OC90: variants seen among roughly 807,000 people sequenced by gnomAD.
OC90 encodes the protein otoconin-90.
Under a neutral mutation model 47.3 loss-of-function variants are expected in OC90, and 46 were observed. The ratio of observed to expected loss-of-function variants is 0.97; its 90% CI spans 0.77 to 1.24. OC90 has a LOEUF of 1.24. Among genes scored for constraint, OC90 ranks in the 50% most tolerant of loss-of-function variants. The pLI, the probability that OC90 is intolerant of heterozygous loss-of-function variation, is 0.00. For synonymous variants in OC90, 271 were observed against 219.5 expected (o/e 1.23, Z -2.07); for missense variants, 688 against 583.9 (o/e 1.18, Z -1.84).
intron 1 of OC90, among the ~76,000 whole-genome samples, chr8:132,056,702 G>C (rs1469825748): frequency 6.6e-6 from 1 of 152,188 alleles, no homozygotes; most frequent in Non-Finnish European, 1.5e-5. Context: ...GGAGACAAGA[G>C]AGGTCTCCAA....
chr8:132,038,119 G>A (rs1822996100), intron 8 of OC90, among the ~76,000 whole-genome samples: 1 of 152,166 alleles, frequency 6.6e-6, no homozygotes. Context: ...AAGGTGTTGG[G>A]ACTGAGAGAT....
intron 2 of OC90, among the ~76,000 whole-genome samples, chr8:132,054,399 A>T (rs1013373953): frequency 6.6e-6 from 1 of 152,314 alleles, no homozygotes; most frequent in Middle Eastern, 3.4e-3. Flanking sequence ...CCTCTACTGC[A>T]ATCTGCACAC....
At chr8:132,025,094 GT>G (rs1284420870) in intron 13 of OC90, among the ~76,000 whole-genome samples, 1 of 152,174 alleles carries the variant, frequency 6.6e-6, no homozygotes, top group African/African-American at 2.4e-5. Context: ...CCCACTTCGT[GT>G]TTTTTTCTAT....
intron 1 of OC90, among the ~76,000 whole-genome samples, chr8:132,056,428 G>GGCT (rs1823280279): frequency 6.6e-6 from 1 of 152,176 alleles, no homozygotes; most frequent in African/African-American, 2.4e-5. Flanking sequence ...AAGCTCTGGT[G>GGCT]GCTGCAAAAT....
In OC90 at chr8:132,024,561, G is replaced by A. The variant is rs1822726146; in HGVS notation, c.1354C>T (p.Gln452Ter). Reference sequence around the variant, plus strand: ...CTCTTGGCTCTGCCGAGGTCCTCCTGTGGAGGGTCCTCCTCGCTGTCCTCC... The same window carrying A: ...CTCTTGGCTCTGCCGAGGTCCTCCTATGGAGGGTCCTCCTCGCTGTCCTCC... ...SEEDSEEDPP[Q>*]EDLGRAKRFL... Residue 452 changes from glutamine (Q) to a stop codon, truncating the protein, a stop_gained, in exon 14 of 14, where the codon CAG becomes TAG. Transcript: ENST00000254627. LOFTEE classifies it low-confidence loss of function (END_TRUNC). 1 of 1,612,384 alleles carries A rather than the reference G, an allele frequency of 6.2e-7. No individual in the cohort carries two copies. The highest frequency in any genetic ancestry group is 8.5e-7 in the Non-Finnish European group (1 of 1,178,814).
rs61755061 is a variant in OC90, at chr8:132,044,471, C to T, written c.131G>A (p.Gly44Glu). 4.7e-3 allele frequency: 7,369 copies of T among 1,557,472 alleles called. 18 individuals carry two copies. Among genetic ancestry groups the T allele is most frequent in the Non-Finnish European group, 5.7e-3 (6,506 of 1,143,818 alleles). The change falls in exon 4 of 14, where the codon GGG becomes GAG. Residue 44 changes from glycine to glutamate, a missense_variant. Coordinates refer to ENST00000254627, the MANE Select transcript of OC90 (RefSeq NM_001080399.3). ...PNNINITFFS[G>E]MFKNVESVAE... ...CACACTTTCCACATTTTTAAACATC[C>T]CACTGAAGAAAGTGATATCTAAGTG...
At chr8:132,035,828 G>C (rs892073992) in intron 9 of OC90, among the ~76,000 whole-genome samples, 1 of 152,182 alleles carries the variant, frequency 6.6e-6, no homozygotes, top group South Asian at 2.1e-4. Context: ...AATGAGGATA[G>C]GCCTCCAAGG....
At chr8:132,033,201 G>C (rs1179202234) in intron 10 of OC90, 37 bp from the exon 11 acceptor site, 1 of 1,589,850 alleles carries the variant, frequency 6.3e-7, no homozygotes, top group East Asian at 2.3e-5. Context: ...GATTCAAAAA[G>C]TGGCTCAAGG....
Position 132,024,522 on chromosome 8 carries a change from A to G in OC90, c.1393T>C (p.Ser465Pro). 6.3e-7 allele frequency: 1 copy of G among 1,590,526 alleles called. No homozygotes were observed. The highest frequency in any genetic ancestry group is 8.6e-7 in the Non-Finnish European group (1 of 1,165,100). The change falls in exon 14 of 14, where the codon TCA (serine) becomes CCA (proline). Residue 465 changes from serine to proline, a missense_variant. Physicochemically the swap from Ser to Pro is moderately conservative, Grantham distance 74 (BLOSUM62 -1). Transcript: ENST00000254627. ...LGRAKRFLRK[S>P]LGPLGIGPLH... is the part of the protein sequence containing the mutation. ...GGCCCGATCCCCAAGGGACCCAGTG[A>G]CTTCCGCAGAAACCTCTTGGCTCTG...
At chr8:132,037,551 G>A in intron 8 of OC90, 63 bp from the exon 9 acceptor site, 1 of 1,443,218 alleles carries the variant, frequency 6.9e-7, no homozygotes. Flanking sequence ...CCAAGCACAG[G>A]GTCTCAAAGG....
At chr8:132,041,818 T>C in intron 4 of OC90, 119 bp from the exon 5 acceptor site, 1 of 590,544 alleles carries the variant, frequency 1.7e-6, no homozygotes, top group Non-Finnish European at 3.0e-6. Context: ...AGTAAGCACC[T>C]ACTCTGTAAT....
chr8:132,057,963 C>A (rs191030278), intron 1 of OC90, among the ~76,000 whole-genome samples: 1 of 152,218 alleles, frequency 6.6e-6, no homozygotes, highest in Non-Finnish European at 1.5e-5. Flanking sequence ...ACTGCTAGGC[C>A]GGTCCTTTGA....
At position 132,038,984 on chromosome 8, in the gene OC90, G is replaced by A. The variant is rs377587251; in HGVS notation, c.586+11C>T. The stretch of plus-strand genomic sequence containing the variant: ...TCAGCCCCACGGCTGATGCAGCCAG[G>A]TTCTTCCTACCTGGAGTCTGAGCCA... On this transcript the variant is annotated intron_variant, in intron 7 of 13. Transcript: ENST00000254627. 1.3e-5 allele frequency: 21 copies of A among 1,613,830 alleles called. No homozygotes were observed. Among genetic ancestry groups the A allele is most frequent in the African/African-American group, 1.2e-4 (9 of 74,924 alleles).
intron 1 of OC90, among the ~76,000 whole-genome samples, chr8:132,055,909 G>T (rs2130866304): frequency 6.6e-6 from 1 of 152,284 alleles, no homozygotes; most frequent in Non-Finnish European, 1.5e-5. Context: ...GGGACGGGGT[G>T]GGAGGCGCAG....
Position 132,045,880 on chromosome 8 carries a change from C to T in OC90, c.50G>A (p.Gly17Asp), listed in dbSNP as rs1382262348. The stretch of plus-strand genomic sequence containing the variant: ...AAGATGTGGAGTGTCCAGAGGATGG[C>T]CTCCTATAAATAAGGAAGAGAAAGT... ...TSVLMIPHAG[G>D]HPLDTPHLPQ... Residue 17 changes from glycine (G) to aspartate (D), a missense_variant, in exon 3 of 14, where the codon GGC becomes GAC. Coordinates refer to ENST00000254627, the MANE Select transcript of OC90 (RefSeq NM_001080399.3). 8 of 1,534,050 alleles carry T rather than the reference C, an allele frequency of 5.2e-6. No individual in the cohort carries two copies. The highest frequency in any genetic ancestry group is 1.7e-4 in the Middle Eastern group (1 of 5,940).
chr8:132,052,898 A>G (rs73353108), intron 2 of OC90, among the ~76,000 whole-genome samples: 8,837 of 151,548 alleles, frequency 0.058, 311 homozygotes, highest in Non-Finnish European at 0.067. Flanking sequence ...CGATGAAGCT[A>G]TAAAGCTTTT....
intron 13 of OC90, among the ~76,000 whole-genome samples, chr8:132,027,492 C>A (rs190481083): frequency 1.3e-5 from 2 of 152,092 alleles, no homozygotes; most frequent in Non-Finnish European, 2.9e-5. Context: ...CTGCCCCAGA[C>A]GAAAATGAAA....
intron 9 of OC90, among the ~76,000 whole-genome samples, chr8:132,036,719 A>T (rs1822970058): frequency 6.6e-6 from 1 of 152,248 alleles, no homozygotes; most frequent in South Asian, 2.1e-4. Context: ...GAGAGTTTAG[A>T]AGGAAAAAGT....
chr8:132,050,888 G>T (rs1823203713), intron 2 of OC90, among the ~76,000 whole-genome samples: 1 of 152,138 alleles, frequency 6.6e-6, no homozygotes, highest in Admixed American at 6.5e-5. Flanking sequence ...CAGCTACTCA[G>T]GAGGCTGAGG....
Sources: allele counts gnomAD v4.1 joint callset (sites outside exome capture counted in the v4.1 genomes callset), GRCh38; gene constraint gnomAD v4.1.1; transcripts MANE v1.5; gene names NCBI Gene and HGNC (gene_info 2026-07-23, HGNC 2026-07-21).